Variants in SH3RF3 observed in about 807,000 individuals in gnomAD.
SH3RF3 encodes the protein E3 ubiquitin-protein ligase SH3RF3.
In SH3RF3, 29 loss-of-function variants were observed where a neutral mutation model predicts 66.3. That is an observed-to-expected ratio of 0.44 (90% confidence interval 0.33 to 0.60). The LOEUF is 0.60. SH3RF3 is among the 20% of genes least tolerant of loss of function. SH3RF3 has a pLI of 0.04. For missense variants in SH3RF3, 1,194 were observed against 1,190.9 expected, an observed-to-expected ratio of 1.00 and a Z score of -0.04; for synonymous variants, 583 against 532.0, an observed-to-expected ratio of 1.10 and a Z score of -1.32.
chr2:109,315,305 C>G (rs961837807), intron 1 of SH3RF3, among the ~76,000 whole-genome samples: 17 of 152,172 alleles, frequency 1.1e-4, no homozygotes, highest in African/African-American at 4.1e-4. Context: ...GCCCTGGGTC[C>G]AACACCAACT....
intron 1 of SH3RF3, among the ~76,000 whole-genome samples, chr2:109,346,304 G>C (rs79181951): frequency 6.6e-6 from 1 of 152,154 alleles, no homozygotes; most frequent in East Asian, 1.9e-4. Flanking sequence ...GTTTGACGTT[G>C]CTGAAACATA....
chr2:109,270,421 C>T (rs1680596937), intron 1 of SH3RF3, among the ~76,000 whole-genome samples: 1 of 152,122 alleles, frequency 6.6e-6, no homozygotes, highest in Non-Finnish European at 1.5e-5. Flanking sequence ...GCTGAGGGTG[C>T]CTGCAGCTGC....
intron 1 of SH3RF3, among the ~76,000 whole-genome samples, chr2:109,167,219 G>A (rs543436139): frequency 6.6e-6 from 1 of 152,268 alleles, no homozygotes; most frequent in East Asian, 1.9e-4. Flanking sequence ...GGATGATGGC[G>A]GAGAAAAGTG....
chr2:109,455,663 A>G (rs1348584401), intron 8 of SH3RF3, among the ~76,000 whole-genome samples: 1 of 152,210 alleles, frequency 6.6e-6, no homozygotes, highest in African/African-American at 2.4e-5. Context: ...AAAGTGAAGA[A>G]TCGCTGGCTT....
At chr2:109,415,105 G>A (rs1676687852) in intron 4 of SH3RF3, among the ~76,000 whole-genome samples, 1 of 151,418 alleles carries the variant, frequency 6.6e-6, no homozygotes, top group African/African-American at 2.4e-5. Flanking sequence ...AAGTGGAGGG[G>A]ACCAAGGAAC....
intron 1 of SH3RF3, among the ~76,000 whole-genome samples, chr2:109,259,524 G>A (rs10182250): frequency 0.25 from 38,309 of 152,066 alleles, 5,236 homozygotes; most frequent in East Asian, 0.46. Context: ...GACTCTCCGG[G>A]GCCCTTCATG....
At chr2:109,223,800 G>A (rs1343017509) in intron 1 of SH3RF3, among the ~76,000 whole-genome samples, 2 of 152,216 alleles carry the variant, frequency 1.3e-5, no homozygotes, top group African/African-American at 2.4e-5. Flanking sequence ...ACATGAAAGT[G>A]TTCAATACAT....
chr2:109,369,099 C>T (rs1041323969), intron 2 of SH3RF3, among the ~76,000 whole-genome samples: 2 of 152,000 alleles, frequency 1.3e-5, no homozygotes, highest in African/African-American at 4.8e-5. Context: ...AATCCCAGCA[C>T]TTTGGGAGGC....
chr2:109,286,423 A>G (rs1466441381), intron 1 of SH3RF3, among the ~76,000 whole-genome samples: 1 of 152,182 alleles, frequency 6.6e-6, no homozygotes, highest in Non-Finnish European at 1.5e-5. Context: ...GGCAAAGGGC[A>G]TGGGGCTCAG....
chr2:109,347,734 G>A lies in SH3RF3; in HGVS notation c.634G>A (p.Asp212Asn). Residue 212 changes from aspartate to asparagine, a missense_variant, in exon 2 of 10, where the codon GAC (aspartate) becomes AAC (asparagine). Transcript: ENST00000309415. ...CAGCTACGAGGGGAAGGAACCTGGT[G>A]ACCTCAAGTTCAACAAGGGGGACAT... ...LYSYEGKEPG[D>N]LKFNKGDIIV... 1 of 1,613,958 alleles carries A rather than the reference G, an allele frequency of 6.2e-7. No individual in the cohort carries two copies.
chr2:109,282,943 A>G (rs13420743), intron 1 of SH3RF3, among the ~76,000 whole-genome samples: 13 of 152,082 alleles, frequency 8.5e-5, no homozygotes, highest in Non-Finnish European at 1.8e-4. Context: ...CAATGGTGGC[A>G]TTGGGGCTGG....
At chr2:109,285,185 G>C (rs1052703108) in intron 1 of SH3RF3, among the ~76,000 whole-genome samples, 3 of 152,214 alleles carry the variant, frequency 2.0e-5, no homozygotes, top group Admixed American at 2.0e-4. Context: ...GGAACAAATT[G>C]AGCCTGGCAC....
At chr2:109,436,544 G>A (rs1229937824) in intron 6 of SH3RF3, among the ~76,000 whole-genome samples, 1 of 152,238 alleles carries the variant, frequency 6.6e-6, no homozygotes, top group African/African-American at 2.4e-5. Flanking sequence ...CGCGGGACAT[G>A]ACTGAGTCAT....
chr2:109,499,975 A>G (rs1004983562), intron 9 of SH3RF3, among the ~76,000 whole-genome samples: 1 of 152,026 alleles, frequency 6.6e-6, no homozygotes, highest in African/African-American at 2.4e-5. Flanking sequence ...GGGGCTCAGG[A>G]GAGTGGGGGA....
At chr2:109,472,750 T>C (rs1390783665) in intron 8 of SH3RF3, among the ~76,000 whole-genome samples, 1 of 152,160 alleles carries the variant, frequency 6.6e-6, no homozygotes, top group Non-Finnish European at 1.5e-5. Context: ...TTCCATTTGA[T>C]CTAATAATTT....
At chr2:109,480,797 T>G (rs1678815446) in intron 8 of SH3RF3, among the ~76,000 whole-genome samples, 1 of 152,196 alleles carries the variant, frequency 6.6e-6, no homozygotes, top group East Asian at 1.9e-4. Flanking sequence ...TGGGACATTA[T>G]GACCTCCGGC....
At chr2:109,449,594 G>A (rs1295766543) in intron 8 of SH3RF3, 105 bp downstream of exon 8, 2 of 1,390,408 alleles carry the variant, frequency 1.4e-6, no homozygotes, top group Non-Finnish European at 1.9e-6. Context: ...GCTAGAATGT[G>A]GGCTCCAAGT....
intron 1 of SH3RF3, among the ~76,000 whole-genome samples, chr2:109,230,757 T>C (rs1679487462): frequency 6.6e-6 from 1 of 152,226 alleles, no homozygotes; most frequent in South Asian, 2.1e-4. Flanking sequence ...TGACTTAAAA[T>C]GGGTTTGTCT....
At chr2:109,344,725 A>G (rs1682645173) in intron 1 of SH3RF3, among the ~76,000 whole-genome samples, 1 of 152,112 alleles carries the variant, frequency 6.6e-6, no homozygotes. Flanking sequence ...AGTTGGCAGG[A>G]GGAGTGCCCA....
Sources: allele counts gnomAD v4.1 joint callset (sites outside exome capture counted in the v4.1 genomes callset), GRCh38; gene constraint gnomAD v4.1.1; transcripts MANE v1.5; gene names NCBI Gene and HGNC (gene_info 2026-07-23, HGNC 2026-07-21).